The following TRIP12 variants were observed in gnomAD, a reference collection of about 807,000 sequenced individuals.
TRIP12 encodes thyroid hormone receptor interactor 12.
In TRIP12, 25 loss-of-function variants were observed where a neutral mutation model predicts 244.2. The observed-to-expected ratio is 0.10, with a 90% CI of 0.07 to 0.14. The LOEUF is 0.14. Ranked by LOEUF, TRIP12 falls within the 10% of genes least tolerant of loss-of-function variation. The pLI, the probability that TRIP12 is intolerant of heterozygous loss-of-function variation, is 1.00. For missense variants in TRIP12, 1,677 were observed against 2,486.4 expected, an observed-to-expected ratio of 0.67 and a Z score of 6.92; for synonymous variants, 905 against 873.1, an observed-to-expected ratio of 1.04 and a Z score of -0.64.
intron 32 of TRIP12, 97 bp from the exon 33 acceptor site, chr2:229,787,758 A>G: frequency 2.7e-6 from 3 of 1,103,532 alleles, no homozygotes; most frequent in East Asian, 5.3e-5. Context: ...TTTTGATATG[A>G]TATAGAAAAT....
In TRIP12 at chr2:229,798,939, C is replaced by G. The variant is rs1313437872; in HGVS notation, c.3418G>C (p.Ala1140Pro). Residue 1140 changes from alanine (A) to proline (P), a missense_variant, in exon 23 of 42, where the codon GCA becomes CCA. Coordinates refer to ENST00000675903, the MANE Select transcript of TRIP12 (RefSeq NM_001348323.3). ...TQSNSNNIEPARTAGGSGLAR... is the reference protein window; with the variant it reads ...TQSNSNNIEPPRTAGGSGLAR... ...AGGCCACTACCTCCCGCAGTCCGTGCTGGCTCAATGTTGTTGCTGTTGGAC... is the reference window on the plus strand; with the variant it reads ...AGGCCACTACCTCCCGCAGTCCGTGGTGGCTCAATGTTGTTGCTGTTGGAC... The G allele has an allele frequency of 6.2e-7, 1 of 1,614,208 alleles. No individual in the cohort carries two copies. Among genetic ancestry groups the G allele is most frequent in the South Asian group, 1.1e-5 (1 of 91,086 alleles).
In TRIP12 at chr2:229,840,809, A is replaced by C. The variant is rs774197287; in HGVS notation, c.1133+13T>G. ...AAAAATGAACTCACTATAAAAAAAA[A>C]AAAACAAATTACCTGGTACTAGCAC... is the stretch of plus-strand genomic sequence containing the variant. On this transcript the variant is annotated intron_variant, in intron 5 of 41. Transcript: ENST00000675903. The C allele has an allele frequency of 1.3e-6, 2 of 1,555,938 alleles. No individual in the cohort carries two copies. Among genetic ancestry groups the C allele is most frequent in the Admixed American group, 2.2e-5 (1 of 45,724 alleles).
intron 2 of TRIP12, among the ~76,000 whole-genome samples, chr2:229,864,047 A>AGAGAGAGAGGGAGTGTGTGT: frequency 1.3e-5 from 1 of 79,292 alleles, no homozygotes; most frequent in South Asian, 5.1e-4. Context: ...AGAGAGAGAG[A>AGAGAGAGAGGGAGTGTGTGT]GTGTGTGTGT....
chr2:229,832,362 A>C (rs750281561), intron 6 of TRIP12, among the ~76,000 whole-genome samples: 1 of 152,244 alleles, frequency 6.6e-6, no homozygotes, highest in Admixed American at 6.5e-5. Context: ...CATAAAGCAT[A>C]AAACATTTAC....
At chr2:229,911,870 C>T (rs2074352328) in intron 1 of TRIP12, among the ~76,000 whole-genome samples, 1 of 151,112 alleles carries the variant, frequency 6.6e-6, no homozygotes, top group African/African-American at 2.4e-5. Flanking sequence ...TCAGTAATGG[C>T]TAGAAAAAAA....
chr2:229,773,111 T>C (rs1446874129), intron 38 of TRIP12, among the ~76,000 whole-genome samples: 3 of 152,004 alleles, frequency 2.0e-5, no homozygotes, highest in African/African-American at 7.2e-5. Flanking sequence ...AGTCTCATTC[T>C]GTTGCCCAAG....
chr2:229,913,677 A>G (rs374183550), intron 1 of TRIP12, among the ~76,000 whole-genome samples: 1 of 152,356 alleles, frequency 6.6e-6, no homozygotes, highest in East Asian at 1.9e-4. Flanking sequence ...AACGATGCTA[A>G]TATTATTTCA....
chr2:229,791,046 A>C, intron 30 of TRIP12, 78 bp downstream of exon 30: 1 of 1,578,436 alleles, frequency 6.3e-7, no homozygotes, highest in Non-Finnish European at 8.6e-7. Context: ...TACTAAATCC[A>C]AATCACTCTT....
In TRIP12 at chr2:229,836,281, A is replaced by C. The variant is rs1442260485; in HGVS notation, c.1270+567T>G. On this transcript the variant is annotated intron_variant, in intron 6 of 41. Transcript: ENST00000675903. ...ATGTCATTGAGAAATGTCAACAGAA[A>C]CTACATTTTGATATCCATCAGCCAG... is the stretch of plus-strand genomic sequence containing the variant. 2.0e-5 allele frequency among the ~76,000 whole-genome samples: 3 copies of C among 152,192 alleles called. No homozygotes were observed. In the East Asian group the frequency reaches 5.8e-4, roughly 29 times the overall value.
At position 229,805,741 on chromosome 2, in the gene TRIP12, T is replaced by G. The variant is rs201776333; in HGVS notation, c.2639A>C (p.Asn880Thr). 6.2e-5 allele frequency: 99 copies of G among 1,595,282 alleles called. No homozygotes were observed. Among genetic ancestry groups the G allele is most frequent in the Non-Finnish European group, 7.7e-5 (90 of 1,165,376 alleles). The change falls in exon 18 of 42, where the codon AAT (asparagine) becomes ACT (threonine). Residue 880 changes from asparagine to threonine, a missense_variant. Physicochemically the swap from Asn to Thr is moderately conservative, Grantham distance 65. This residue lies in a region of TRIP12 where 572 missense variants were observed against 867.8 expected (regional missense o/e 0.66). Coordinates refer to ENST00000675903, the MANE Select transcript of TRIP12 (RefSeq NM_001348323.3). Reference protein sequence around the residue: ...AIQRKPNPLANSNTSGYSESK... With the variant: ...AIQRKPNPLATSNTSGYSESK... Reference sequence around the variant, plus strand: ...CAGAATGTACTTACTAGTGTTACTATTGGCTAACGGGTTAGGTTTTCTCTG... The same window carrying G: ...CAGAATGTACTTACTAGTGTTACTAGTGGCTAACGGGTTAGGTTTTCTCTG...
At chr2:229,853,663 A>C (rs1302880625) in intron 4 of TRIP12, among the ~76,000 whole-genome samples, 2 of 139,760 alleles carry the variant, frequency 1.4e-5, no homozygotes, top group Non-Finnish European at 3.2e-5. Context: ...GACTCCAAAA[A>C]TAAATAAATA....
chr2:229,862,636 C>G (rs574730015), intron 2 of TRIP12, among the ~76,000 whole-genome samples: 20 of 152,088 alleles, frequency 1.3e-4, no homozygotes, highest in Non-Finnish European at 2.2e-4. Context: ...AAAATAAATG[C>G]CCAAAACAAT....
At position 229,792,963 on chromosome 2, in the gene TRIP12, T is replaced by C. The variant is rs779382744; in HGVS notation, c.4141+10A>G. ...ATATATAACACACGAAACAAATATA[T>C]GGAAAGTACCTCTAACTACAAGGTA... is the stretch of plus-strand genomic sequence containing the variant. On this transcript the variant is annotated intron_variant, in intron 27 of 41. Transcript: ENST00000675903. The C allele has an allele frequency of 1.2e-6, 2 of 1,607,614 alleles. No homozygotes were observed. Among genetic ancestry groups the C allele is most frequent in the Non-Finnish European group, 1.7e-6 (2 of 1,177,500 alleles).
chr2:229,828,785 T>A (rs1166885496), intron 8 of TRIP12, among the ~76,000 whole-genome samples: 2 of 151,906 alleles, frequency 1.3e-5, no homozygotes, highest in East Asian at 1.9e-4. Context: ...TATATATATA[T>A]AAAAAGTACA....
Position 229,765,195 on chromosome 2 carries a change from T to TC in TRIP12, c.*2358dup, listed in dbSNP as rs1346612366. On this transcript the variant is annotated 3_prime_UTR_variant, in exon 42 of 42. Transcript: ENST00000675903. ...TAGCTATGACTAACATCTGACTGAC[T>TC]CCATCTCAGCAAAAAATAAAGGACA... 6.6e-6 allele frequency: 1 copy of TC among 152,176 alleles called. No homozygotes were observed. Among genetic ancestry groups the TC allele is most frequent in the Non-Finnish European group, 1.5e-5 (1 of 68,040 alleles). 9.4% of individuals were successfully genotyped at this position (152,176 alleles called of 1,614,324 possible).
chr2:229,803,549 CTA>C lies in TRIP12; in HGVS notation c.2998+20_2998+21del, dbSNP rs527332683. On this transcript the variant is annotated intron_variant, in intron 20 of 41. Transcript: ENST00000675903. Reference sequence around the variant, plus strand: ...TTGAAGTACTATCTAGACTAAATGACTATTAATTTATATGACATTACCTTCTC... The same window carrying C: ...TTGAAGTACTATCTAGACTAAATGACTTAATTTATATGACATTACCTTCTC... 49 of 1,455,744 alleles carry C rather than the reference CTA, an allele frequency of 3.4e-5. No individual in the cohort carries two copies. Among genetic ancestry groups the C allele is most frequent in the Non-Finnish European group, 4.0e-5 (42 of 1,046,030 alleles). The allele number at this position is 1,455,744 out of a possible 1,614,324, so 90.2% of individuals were successfully genotyped here. A position where few individuals can be genotyped will look rare whatever the true frequency, so the allele number is the denominator to read the frequency against.
intron 2 of TRIP12, among the ~76,000 whole-genome samples, chr2:229,869,202 C>G (rs1427554091): frequency 6.6e-6 from 1 of 152,118 alleles, no homozygotes; most frequent in Non-Finnish European, 1.5e-5. Flanking sequence ...TTTAACTATG[C>G]CCTATTTCAA....
rs114073982 is a variant in TRIP12, at chr2:229,788,421, C to T, written c.4838+377G>A. On this transcript the variant is annotated intron_variant, in intron 32 of 41. Coordinates refer to ENST00000675903, the MANE Select transcript of TRIP12 (RefSeq NM_001348323.3). Reference sequence around the variant, plus strand: ...GGTGCCAAAAAGAGTTGGGGACTGCCGATTTAAATGTATATGGCCAGTGGC... The same window carrying T: ...GGTGCCAAAAAGAGTTGGGGACTGCTGATTTAAATGTATATGGCCAGTGGC... Among the ~76,000 whole-genome samples, 664 of 152,204 alleles carry T rather than the reference C, an allele frequency of 4.4e-3. 5 individuals carry two copies. Among genetic ancestry groups the T allele is most frequent in the African/African-American group, 0.015 (626 of 41,536 alleles).
At position 229,796,676 on chromosome 2, in the gene TRIP12, A is replaced by G; in HGVS notation, c.3731T>C (p.Leu1244Pro). 1 of 1,613,424 alleles carries G rather than the reference A, an allele frequency of 6.2e-7. No homozygotes were observed. Among genetic ancestry groups the G allele is most frequent in the Non-Finnish European group, 8.5e-7 (1 of 1,179,852 alleles). The change falls in exon 25 of 42, where the codon CTT becomes CCT. Residue 1244 changes from leucine (L) to proline (P), a missense_variant. Physicochemically the swap from Leu to Pro is moderately conservative, Grantham distance 98. Transcript: ENST00000675903. Reference protein sequence around the residue: ...QHSGFVKQLLLYLTSKSEKDA... With the variant: ...QHSGFVKQLLPYLTSKSEKDA... ...CTTTTCACTTTTAGATGTCAAATAA[A>G]GCAACAGCTGCTTCACAAATCCACT...
Sources: allele counts gnomAD v4.1 joint callset (sites outside exome capture counted in the v4.1 genomes callset), GRCh38; gene constraint gnomAD v4.1.1; regional missense constraint gnomAD v4.1.1; transcripts MANE v1.5; gene names NCBI Gene and HGNC (gene_info 2026-07-23, HGNC 2026-07-21).